Variants in CNOT4 observed in about 807,000 individuals in gnomAD.
CNOT4 encodes the protein CCR4-NOT transcription complex subunit 4.
CNOT4 carries 8 observed loss-of-function variants against 73.8 expected under a neutral mutation model. That is an observed-to-expected ratio of 0.11 (90% CI 0.06 to 0.20). The LOEUF (loss-of-function observed/expected upper bound fraction) is 0.20, where lower values mean the gene tolerates loss of function less well. Among genes scored for constraint, CNOT4 ranks in the 10% least tolerant of loss-of-function variants. CNOT4 has a pLI of 1.00. For synonymous variants in CNOT4, 293 were observed against 321.1 expected, an observed-to-expected ratio of 0.91 and a Z score of 0.94; for missense variants, 564 against 883.4, an observed-to-expected ratio of 0.64 and a Z score of 4.58.
chr7:135,385,829 T>C (rs1796092934), intron 10 of CNOT4, among the ~76,000 whole-genome samples: 1 of 152,226 alleles, frequency 6.6e-6, no homozygotes, highest in African/African-American at 2.4e-5. Flanking sequence ...TAATTGTCAC[T>C]AGAATTATCC....
chr7:135,390,196 A>G (rs2129483237), intron 10 of CNOT4, among the ~76,000 whole-genome samples: 1 of 152,296 alleles, frequency 6.6e-6, no homozygotes, highest in East Asian at 1.9e-4. Flanking sequence ...AAGTTAAAGC[A>G]CATGCCAGTG....
At chr7:135,397,280 T>C (rs1483970755) in intron 8 of CNOT4, among the ~76,000 whole-genome samples, 2 of 152,088 alleles carry the variant, frequency 1.3e-5, no homozygotes, top group Admixed American at 1.3e-4. Flanking sequence ...AAAACAGAAT[T>C]ATGATCAAAA....
intron 1 of CNOT4, among the ~76,000 whole-genome samples, chr7:135,490,719 G>C (rs1232150951): frequency 2.0e-5 from 3 of 152,158 alleles, no homozygotes; most frequent in African/African-American, 7.2e-5. Flanking sequence ...AATATCATTG[G>C]CTAGAACAAT....
intron 10 of CNOT4, among the ~76,000 whole-genome samples, chr7:135,374,089 T>A (rs956953132): frequency 6.6e-6 from 1 of 152,182 alleles, no homozygotes; most frequent in African/African-American, 2.4e-5. Context: ...GAACAAGTAG[T>A]CATAGAGGTT....
intron 1 of CNOT4, among the ~76,000 whole-genome samples, chr7:135,455,869 A>C (rs778861797): frequency 4.6e-5 from 7 of 152,224 alleles, no homozygotes; most frequent in Admixed American, 6.5e-5. Flanking sequence ...CTGTCTCAAA[A>C]AAACAAACAA....
In CNOT4 at chr7:135,363,834, G is replaced by A; in HGVS notation, c.1840+20C>T. 1 of 1,572,322 alleles carries A rather than the reference G, an allele frequency of 6.4e-7. No individual in the cohort carries two copies. Among genetic ancestry groups the A allele is most frequent in the Non-Finnish European group, 8.6e-7 (1 of 1,161,192 alleles). ...CAAACTGTTGGCAGTCAGTGTAGCT[G>A]AAGGGAGTGAGAAAGTTACCTGTGA... On this transcript the variant is annotated intron_variant, in intron 11 of 11. Coordinates refer to ENST00000541284, the MANE Select transcript of CNOT4 (RefSeq NM_001190850.2). This position sits in a 1 kb window ranked among gnomAD's most constrained non-coding sequence, Gnocchi z 4.3.
chr7:135,448,188 C>T (rs1200579081), intron 1 of CNOT4, among the ~76,000 whole-genome samples: 3 of 152,050 alleles, frequency 2.0e-5, no homozygotes, highest in Non-Finnish European at 4.4e-5. Flanking sequence ...GATCAGTACC[C>T]AGAGTTGTTG....
intron 3 of CNOT4, among the ~76,000 whole-genome samples, chr7:135,420,895 T>C (rs1798153263): frequency 6.6e-6 from 1 of 152,160 alleles, no homozygotes; most frequent in South Asian, 2.1e-4. Flanking sequence ...ATGAGCTCTT[T>C]GCTGAACATT....
At chr7:135,435,038 A>G (rs1300913842) in intron 2 of CNOT4, among the ~76,000 whole-genome samples, 1 of 152,210 alleles carries the variant, frequency 6.6e-6, no homozygotes, top group Non-Finnish European at 1.5e-5. Flanking sequence ...AATTTGGGAA[A>G]ATAAATTTCT....
intron 1 of CNOT4, among the ~76,000 whole-genome samples, chr7:135,479,926 T>TATGTATTTTATAATGAGAAAA (rs1563074564): frequency 6.6e-6 from 1 of 152,052 alleles, no homozygotes; most frequent in Non-Finnish European, 1.5e-5. Flanking sequence ...TTTGAGAGTT[T>TATGTATTTTATAATGAGAAAA]ATGTATTTTA....
chr7:135,435,616 T>A (rs1016595266), intron 2 of CNOT4, among the ~76,000 whole-genome samples: 1 of 152,200 alleles, frequency 6.6e-6, no homozygotes, highest in Non-Finnish European at 1.5e-5. Context: ...TTGTTTCCTG[T>A]GTTAGGATCT....
intron 10 of CNOT4, among the ~76,000 whole-genome samples, chr7:135,382,888 C>A (rs1324149675): frequency 6.6e-6 from 1 of 152,132 alleles, no homozygotes; most frequent in Non-Finnish European, 1.5e-5. Context: ...TGGAACCAAT[C>A]CCCTACAGAT....
intron 1 of CNOT4, among the ~76,000 whole-genome samples, chr7:135,471,814 G>T (rs1801597767): frequency 6.6e-6 from 1 of 152,212 alleles, no homozygotes. Flanking sequence ...GGCACCTTGA[G>T]CAGTGTTCCT....
intron 1 of CNOT4, among the ~76,000 whole-genome samples, chr7:135,464,034 A>AAAAAAAC (rs1554440582): frequency 1.2e-4 from 18 of 151,618 alleles, no homozygotes; most frequent in African/African-American, 4.3e-4. Flanking sequence ...CAAAAAAAAA[A>AAAAAAAC]AAAAAACAGA....
intron 1 of CNOT4, among the ~76,000 whole-genome samples, chr7:135,505,891 T>A (rs1383461543): frequency 6.6e-6 from 1 of 152,184 alleles, no homozygotes; most frequent in African/African-American, 2.4e-5. Context: ...TACCACATAA[T>A]CTTTTCTAAT....
intron 1 of CNOT4, among the ~76,000 whole-genome samples, chr7:135,458,407 T>C (rs566875063): frequency 1.3e-5 from 2 of 152,068 alleles, no homozygotes; most frequent in Non-Finnish European, 2.9e-5. Context: ...AGGGTGGTCG[T>C]TGCCAAAAGA....
At chr7:135,499,544 G>A (rs945142776) in intron 1 of CNOT4, among the ~76,000 whole-genome samples, 2 of 150,988 alleles carry the variant, frequency 1.3e-5, no homozygotes, top group Admixed American at 6.6e-5. Flanking sequence ...TCAAATTTTC[G>A]AACAGTTTGG....
At chr7:135,423,740 G>A (rs1240868115) in intron 2 of CNOT4, among the ~76,000 whole-genome samples, 1 of 151,992 alleles carries the variant, frequency 6.6e-6, no homozygotes, top group African/African-American at 2.4e-5. Context: ...TTAACAGTTT[G>A]GTAGGATGTA....
intron 10 of CNOT4, chr7:135,388,999 A>G: frequency 9.3e-7 from 1 of 1,075,412 alleles, no homozygotes; most frequent in Non-Finnish European, 1.3e-6. Context: ...TATAAAATAC[A>G]TGCTTAATGT....
Sources: gnomAD v4.1 joint callset for allele counts (sites outside exome capture counted in the v4.1 genomes callset) on GRCh38, gnomAD v4.1.1 for gene constraint, Gnocchi (gnomAD v3.1) non-coding constraint, MANE v1.5 for transcripts, NCBI Gene and HGNC (gene_info 2026-07-23, HGNC 2026-07-21) for gene names.